MINDY2: variants seen among roughly 807,000 people sequenced by gnomAD.
MINDY2 encodes MINDY lysine 48 deubiquitinase 2, also known as ubiquitin carboxyl-terminal hydrolase MINDY-2.
In MINDY2, 52 loss-of-function variants were observed where a neutral mutation model predicts 68.2. The ratio of observed to expected loss-of-function variants is 0.76; its 90% CI spans 0.61 to 0.96. MINDY2 has a LOEUF of 0.96. Among genes scored for constraint, MINDY2 ranks in the 40% least tolerant of loss-of-function variants. The pLI, the probability that MINDY2 is intolerant of heterozygous loss-of-function variation, is 0.00. For synonymous variants in MINDY2, 372 were observed against 303.0 expected (o/e 1.23, Z -2.36); for missense variants, 881 against 773.4 (o/e 1.14, Z -1.65).
At chr15:58,782,658 G>T (rs1156628197) in intron 1 of MINDY2, among the ~76,000 whole-genome samples, 7 of 152,230 alleles carry the variant, frequency 4.6e-5, no homozygotes, top group African/African-American at 1.2e-4. Context: ...AAAGTGTTCT[G>T]CTGTTCTTAA....
intron 2 of MINDY2, among the ~76,000 whole-genome samples, chr15:58,797,474 C>T (rs1902359556): frequency 6.6e-6 from 1 of 152,180 alleles, no homozygotes; most frequent in Non-Finnish European, 1.5e-5. Context: ...TGCCACTGTA[C>T]TCCAGCCTGG....
intron 8 of MINDY2, among the ~76,000 whole-genome samples, chr15:58,852,994 C>A (rs2032910705): frequency 1.6e-5 from 1 of 63,248 alleles, no homozygotes; most frequent in Non-Finnish European, 3.3e-5. Context: ...ACTCTGTTGC[C>A]CAGGCTGGAG....
chr15:58,822,481 A>G (rs1392263226), intron 5 of MINDY2, among the ~76,000 whole-genome samples: 1 of 152,184 alleles, frequency 6.6e-6, no homozygotes, highest in Non-Finnish European at 1.5e-5. Context: ...ATTGATCCTG[A>G]ATACTTCAAC....
At chr15:58,854,222 C>T (rs1039362510) in intron 8 of MINDY2, among the ~76,000 whole-genome samples, 4 of 148,130 alleles carry the variant, frequency 2.7e-5, no homozygotes, top group South Asian at 2.1e-4. Flanking sequence ...CCAGCCTGGG[C>T]GACGGTGCAA....
Position 58,772,054 on chromosome 15 carries a change from A to G in MINDY2, c.659A>G (p.Glu220Gly). 6.2e-7 allele frequency: 1 copy of G among 1,610,448 alleles called. No individual in the cohort carries two copies. Among genetic ancestry groups the G allele is most frequent in the Non-Finnish European group, 8.5e-7 (1 of 1,178,010 alleles). ...CCCGGGGCTGTTCCTCTGTGCAAGGAGGAGGAGGGGGAGGAGACCGCTCAG... is the reference window on the plus strand; with the variant it reads ...CCCGGGGCTGTTCCTCTGTGCAAGGGGGAGGAGGGGGAGGAGACCGCTCAG... ...VLPGAVPLCK[E>G]EEGEETAQVL... Residue 220 changes from glutamate (E) to glycine (G), a missense_variant, in exon 1 of 9, where the codon GAG (glutamate) becomes GGG (glycine). Glu to Gly is a moderately conservative substitution (Grantham distance 98, BLOSUM62 -2). Coordinates refer to ENST00000559228, the MANE Select transcript of MINDY2 (RefSeq NM_001040450.3).
chr15:58,782,964 G>A (rs189503146), intron 1 of MINDY2, among the ~76,000 whole-genome samples: 158 of 111,180 alleles, frequency 1.4e-3, no homozygotes, highest in African/African-American at 4.9e-3. Context: ...CTGTCACCCA[G>A]GCTGGAGTGC....
chr15:58,812,994 A>T (rs370395693), intron 4 of MINDY2, among the ~76,000 whole-genome samples: 10 of 152,224 alleles, frequency 6.6e-5, no homozygotes, highest in African/African-American at 2.4e-4. Context: ...ACCCCTGACA[A>T]CCACTAATCT....
In MINDY2 at chr15:58,856,596, A is replaced by C. The variant is rs1177870666; in HGVS notation, c.*1986A>C. On this transcript the variant is annotated 3_prime_UTR_variant, in exon 9 of 9. Coordinates refer to ENST00000559228, the MANE Select transcript of MINDY2 (RefSeq NM_001040450.3). The stretch of plus-strand genomic sequence containing the variant: ...ATGAGTATCTTGATTATAACCTAGA[A>C]TATGTATACGTTAGTAAAATAACCA... 1.3e-5 allele frequency: 2 copies of C among 152,232 alleles called. No homozygotes were observed. Among genetic ancestry groups the C allele is most frequent in the Non-Finnish European group, 2.9e-5 (2 of 68,038 alleles). 9.4% of individuals were successfully genotyped at this position (152,232 alleles called of 1,614,324 possible).
chr15:58,786,475 A>G (rs939119847), intron 1 of MINDY2, among the ~76,000 whole-genome samples: 1 of 152,206 alleles, frequency 6.6e-6, no homozygotes. Context: ...CATGTCATTC[A>G]TTTGACAACG....
At chr15:58,789,046 TG>T (rs1305979685) in intron 2 of MINDY2, among the ~76,000 whole-genome samples, 1 of 151,590 alleles carries the variant, frequency 6.6e-6, no homozygotes, top group Non-Finnish European at 1.5e-5. Context: ...TAAAAAATCT[TG>T]TCAACTGGGG....
rs575747801 is a variant in MINDY2, at chr15:58,809,841, A to G, written c.964-389A>G. ...GTTGACCAGGCTGGAATGCAGTGGC[A>G]GAATCTCAGCTCACTGCAACCTACA... On this transcript the variant is annotated intron_variant, in intron 3 of 8. Coordinates refer to ENST00000559228, the MANE Select transcript of MINDY2 (RefSeq NM_001040450.3). 3.5e-4 allele frequency among the ~76,000 whole-genome samples: 53 copies of G among 152,318 alleles called. 1 individual carries two copies. The South Asian group carries it at 5.0e-3, about 14-fold the overall frequency.
chr15:58,853,819 TAAAAAAAAAAAAA>T (rs10563818), intron 8 of MINDY2, among the ~76,000 whole-genome samples: 1 of 102,202 alleles, frequency 9.8e-6, no homozygotes, highest in African/African-American at 3.8e-5. Context: ...TCCATCTCAA[TAAAAAAAAAAAAA>T]AAAAAAAAAA....
chr15:58,852,934 T>G (rs1595788424), intron 8 of MINDY2, among the ~76,000 whole-genome samples: 2 of 24,664 alleles, frequency 8.1e-5, no homozygotes, highest in African/African-American at 1.3e-4. Flanking sequence ...TTTTTTTTTT[T>G]TTTTTTTTTT....
Position 58,771,513 on chromosome 15 carries a change from G to A in MINDY2, c.118G>A (p.Gly40Ser), listed in dbSNP as rs753031354. The change falls in exon 1 of 9, where the codon GGT becomes AGT. Residue 40 changes from glycine to serine, a missense_variant. Coordinates refer to ENST00000559228, the MANE Select transcript of MINDY2 (RefSeq NM_001040450.3). ...GGAGACCAGGCTCGCCGCTGGTGAT[G>A]GTCCTGGGGTATGGGCGGCGGAGAC... is the stretch of plus-strand genomic sequence containing the variant. ...LQETRLAAGD[G>S]PGVWAAETSG... 1 of 1,612,298 alleles carries A rather than the reference G, an allele frequency of 6.2e-7. No individual in the cohort carries two copies. The highest frequency in any genetic ancestry group is 1.1e-5 in the South Asian group (1 of 91,066).
intron 6 of MINDY2, among the ~76,000 whole-genome samples, chr15:58,832,508 G>A (rs1277095424): frequency 4.0e-5 from 5 of 125,810 alleles, no homozygotes; most frequent in Non-Finnish European, 6.9e-5. Context: ...GATTACAGGC[G>A]TGAGCCACCA....
intron 6 of MINDY2, among the ~76,000 whole-genome samples, chr15:58,840,042 CA>C (rs2032199612): frequency 6.6e-6 from 1 of 152,062 alleles, no homozygotes; most frequent in Non-Finnish European, 1.5e-5. Context: ...TCATATTGCC[CA>C]GCCTAGTCTC....
chr15:58,835,400 C>G (rs2031943717), intron 6 of MINDY2, among the ~76,000 whole-genome samples: 1 of 152,114 alleles, frequency 6.6e-6, no homozygotes, highest in South Asian at 2.1e-4. Context: ...CGCCTGTAAT[C>G]CCAGCACTTT....
chr15:58,854,132 T>C (rs1371553345), intron 8 of MINDY2, among the ~76,000 whole-genome samples: 1 of 151,652 alleles, frequency 6.6e-6, no homozygotes, highest in Non-Finnish European at 1.5e-5. Context: ...TAATCCTAGC[T>C]ACTTGGGAGG....
At chr15:58,792,879 A>G (rs1207275666) in intron 2 of MINDY2, among the ~76,000 whole-genome samples, 2 of 151,952 alleles carry the variant, frequency 1.3e-5, no homozygotes, top group African/African-American at 4.8e-5. Context: ...GTGCGTGCCT[A>G]TGGTCCCAGC....
Sources: allele counts gnomAD v4.1 joint callset (sites outside exome capture counted in the v4.1 genomes callset), GRCh38; gene constraint gnomAD v4.1.1; transcripts MANE v1.5; gene names NCBI Gene and HGNC (gene_info 2026-07-23, HGNC 2026-07-21).